The following MGST1 variants were observed in gnomAD, a reference collection of about 807,000 sequenced individuals.
MGST1 encodes microsomal glutathione S-transferase 1.
A neutral mutation model predicts 8.9 loss-of-function variants in MGST1; 5 were observed. That is an observed-to-expected ratio of 0.56 (90% CI 0.29 to 1.19). The LOEUF is 1.19. Among genes scored for constraint, MGST1 ranks in the 50% most tolerant of loss-of-function variants. The probability of loss-of-function intolerance (pLI) is 0.08; values close to 1 mark genes in which losing one functional copy is unlikely to be tolerated. For synonymous variants in MGST1, 54 were observed against 67.8 expected, an observed-to-expected ratio of 0.80 and a Z score of 1.00; for missense variants, 182 against 187.4, an observed-to-expected ratio of 0.97 and a Z score of 0.17.
chr12:16,351,037 A>AG (rs1229424626), intron 1 of MGST1, among the ~76,000 whole-genome samples: 3 of 152,046 alleles, frequency 2.0e-5, no homozygotes, highest in Non-Finnish European at 2.9e-5. Context: ...ATTTTCAATG[A>AG]GGGGGAAAAA....
In MGST1 at chr12:16,509,565, G is replaced by A. The variant is rs1388617150; in HGVS notation, n.483-79963G>A. Among the ~76,000 whole-genome samples, 6 of 152,250 alleles carry A rather than the reference G, an allele frequency of 3.9e-5. No homozygotes were observed. In the East Asian group the frequency reaches 5.8e-4, roughly 15 times the overall value. ...AGATAGATGTGTAAACTGGGTGGAC[G>A]CCAATTGACAACTGTAATCAAGATT... On this transcript the variant is annotated intron_variant and non_coding_transcript_variant, in intron 4 of 4. Coordinates refer to the MGST1 transcript ENST00000538857.
chr12:16,531,665 G>T (rs1941724583), intron 4 of MGST1, among the ~76,000 whole-genome samples: 1 of 152,056 alleles, frequency 6.6e-6, no homozygotes, highest in Non-Finnish European at 1.5e-5. Context: ...AGTTTTTAGG[G>T]ACTTAAATGT....
In MGST1 at chr12:16,551,180, G is replaced by T. The variant is rs1375782611; in HGVS notation, n.483-38348G>T. On this transcript the variant is annotated intron_variant and non_coding_transcript_variant, in intron 4 of 4. Coordinates refer to the MGST1 transcript ENST00000538857. ...TACATGTGGAGCAAAAAAGATAAAA[G>T]AATGTAGTGCTTTGTATTCTTAATG... The T allele has an allele frequency of 4.0e-6, 5 of 1,236,506 alleles. No individual in the cohort carries two copies. The African/African-American group carries it at 4.5e-5, about 11-fold the overall frequency. 76.6% of individuals were successfully genotyped at this position (1,236,506 alleles called of 1,614,324 possible). A position where few individuals can be genotyped will look rare whatever the true frequency, so the allele number is the denominator to read the frequency against.
intron 4 of MGST1, among the ~76,000 whole-genome samples, chr12:16,470,385 G>A (rs1294939964): frequency 6.6e-6 from 1 of 152,118 alleles, no homozygotes; most frequent in African/African-American, 2.4e-5. Flanking sequence ...TTGCTTTTTT[G>A]AACAATAAAT....
chr12:16,359,517 A>G (rs1939890583), intron 3 of MGST1, among the ~76,000 whole-genome samples: 1 of 152,236 alleles, frequency 6.6e-6, no homozygotes, highest in African/African-American at 2.4e-5. Context: ...TGTCAAGAAT[A>G]TGGATATAAA....
intron 4 of MGST1, among the ~76,000 whole-genome samples, chr12:16,558,414 T>C (rs1280724117): frequency 6.6e-6 from 1 of 152,096 alleles, no homozygotes; most frequent in Admixed American, 6.6e-5. Flanking sequence ...CTGCTATTAG[T>C]TGATCAACAT....
chr12:16,534,078 A>G (rs954407579), intron 4 of MGST1, among the ~76,000 whole-genome samples: 1 of 152,154 alleles, frequency 6.6e-6, no homozygotes, highest in African/African-American at 2.4e-5. Flanking sequence ...ATGTGGAAAA[A>G]CTATAGAATC....
At chr12:16,432,832 A>G (rs897330403) in intron 1 of MGST1, among the ~76,000 whole-genome samples, 2 of 151,876 alleles carry the variant, frequency 1.3e-5, no homozygotes, top group African/African-American at 2.4e-5. Flanking sequence ...CACTCACACA[A>G]TTATGGACGC....
intron 4 of MGST1, among the ~76,000 whole-genome samples, chr12:16,580,648 T>A (rs920685437): frequency 1.3e-5 from 2 of 152,146 alleles, no homozygotes; most frequent in Non-Finnish European, 2.9e-5. Context: ...CAAAACAGAA[T>A]GTAAATACAA....
At position 16,537,261 on chromosome 12, in the gene MGST1, CAGGTCATGCTGATGCAAG is replaced by C. The variant is rs1803734673; in HGVS notation, n.483-52262_483-52245del. On this transcript the variant is annotated intron_variant and non_coding_transcript_variant, in intron 4 of 4. Transcript: ENST00000538857. This position sits in a 1 kb window ranked among gnomAD's most constrained non-coding sequence, Gnocchi z 4.6. ...TTCCTTTGACTCCATGTCTCACATC[CAGGTCATGCTGATGCAAG>C]AGGTAGGTTCCCATAGTCTTGGGCA... Among the ~76,000 whole-genome samples, 1 of 152,220 alleles carries C rather than the reference CAGGTCATGCTGATGCAAG, an allele frequency of 6.6e-6. No homozygotes were observed. The highest frequency in any genetic ancestry group is 1.5e-5 in the Non-Finnish European group (1 of 68,026).
chr12:16,377,827 T>C (rs2137034959), downstream of MGST1, among the ~76,000 whole-genome samples: 1 of 150,776 alleles, frequency 6.6e-6, no homozygotes, highest in Admixed American at 6.6e-5. Context: ...GACTTTCTAA[T>C]GATCGCCATT....
At position 16,559,367 on chromosome 12, in the gene MGST1, T is replaced by C. The variant is rs1025442314; in HGVS notation, n.483-30161T>C. Among the ~76,000 whole-genome samples the C allele has an allele frequency of 3.3e-5, 5 of 152,214 alleles. No individual in the cohort carries two copies. The highest frequency in any genetic ancestry group is 1.2e-4 in the African/African-American group (5 of 41,458). ...AAAAAATGGAATTAAGTGATAATAC[T>C]TTTCAGCTGAAAGAATTCTCTGAGA... On this transcript the variant is annotated intron_variant and non_coding_transcript_variant, in intron 4 of 4. Transcript: ENST00000538857. This position sits in a 1 kb window ranked among gnomAD's most constrained non-coding sequence, Gnocchi z 4.1.
exon 4 of MGST1, chr12:16,377,128 G>GT (rs1339399548): frequency 6.6e-6 from 1 of 151,720 alleles, no homozygotes; most frequent in Non-Finnish European, 1.5e-5. Flanking sequence ...AAATACTCCA[G>GT]TTTTTTGTGT....
chr12:16,365,352 T>C (rs1020642965), downstream of MGST1, among the ~76,000 whole-genome samples: 1 of 152,064 alleles, frequency 6.6e-6, no homozygotes, highest in Non-Finnish European at 1.5e-5. Context: ...ATGCCATCCA[T>C]CTAATTTATA....
chr12:16,519,708 C>T (rs771087199), intron 4 of MGST1, among the ~76,000 whole-genome samples: 1 of 152,124 alleles, frequency 6.6e-6, no homozygotes, highest in Non-Finnish European at 1.5e-5. Context: ...CTCATTATGA[C>T]CCATCCTCTG....
intron 4 of MGST1, among the ~76,000 whole-genome samples, chr12:16,535,883 C>G (rs1316774513): frequency 6.6e-6 from 1 of 152,144 alleles, no homozygotes; most frequent in Non-Finnish European, 1.5e-5. Context: ...TTGAGATTAT[C>G]TATGAGTATT....
intron 2 of MGST1, among the ~76,000 whole-genome samples, chr12:16,356,819 A>G (rs1436313445): frequency 6.6e-6 from 1 of 152,258 alleles, no homozygotes; most frequent in Non-Finnish European, 1.5e-5. Context: ...ATGTTCTGAC[A>G]GAGTACAAGA....
rs564196108 is a variant in MGST1, at chr12:16,479,393, C to G, written n.482+95789C>G. Among the ~76,000 whole-genome samples, 148 of 151,806 alleles carry G rather than the reference C, an allele frequency of 9.7e-4. 1 individual carries two copies. Among genetic ancestry groups the G allele is most frequent in the Non-Finnish European group, 1.9e-3 (131 of 67,912 alleles). On this transcript the variant is annotated intron_variant and non_coding_transcript_variant, in intron 4 of 4. Coordinates refer to the MGST1 transcript ENST00000538857. ...GGGACTACAGGTGCCCGCCACCACG[C>G]CCGGCTAATTTTTTGTATTTTTAGT...
intron 1 of MGST1, chr12:16,402,385 C>T (rs777770470): frequency 9.7e-5 from 156 of 1,604,634 alleles, no homozygotes; most frequent in Non-Finnish European, 1.2e-4. Context: ...TCTTCACTCA[C>T]CGATAATAAG....
Sources: gnomAD v4.1 joint callset for allele counts (sites outside exome capture counted in the v4.1 genomes callset) on GRCh38, gnomAD v4.1.1 for gene constraint, Gnocchi (gnomAD v3.1) non-coding constraint, MANE v1.5 for transcripts, NCBI Gene and HGNC (gene_info 2026-07-23, HGNC 2026-07-21) for gene names.